The following CAST variants were observed in gnomAD, a reference collection of about 807,000 sequenced individuals.
CAST encodes the protein calpastatin, also known as MIR583 host.
A neutral mutation model predicts 119.6 loss-of-function variants in CAST; 76 were observed. The ratio of observed to expected loss-of-function variants is 0.64; its 90% CI spans 0.53 to 0.77. CAST has a LOEUF of 0.77. Ranked by LOEUF, CAST falls within the 30% of genes least tolerant of loss-of-function variation. The pLI is 0.00. For missense variants in CAST, 953 were observed against 946.5 expected (o/e 1.01, Z -0.09); for synonymous variants, 319 against 331.6 (o/e 0.96, Z 0.41).
At chr5:96,310,213 G>A in the CAST span, among the ~76,000 whole-genome samples, 1 of 152,148 alleles carries the variant, frequency 6.6e-6, no homozygotes, top group Non-Finnish European at 1.5e-5. Flanking sequence ...CCCTCATTCT[G>A]TTAATGTAGT....
the CAST span, among the ~76,000 whole-genome samples, chr5:95,991,497 GTTTTTTTTTTTTTTTT>G: frequency 1.5e-5 from 1 of 64,958 alleles, no homozygotes; most frequent in Admixed American, 2.1e-4. Context: ...AACAAGTTTT[GTTTTTTTTTTTTTTTT>G]TTTTTTTTTG....
At chr5:96,757,395 G>T (rs1224439071) in intron 22 of CAST, 49 bp from the exon 23 acceptor site, 1 of 1,527,208 alleles carries the variant, frequency 6.5e-7, no homozygotes, top group East Asian at 2.2e-5. Context: ...TTCATACTTT[G>T]GATAAAATGT....
the CAST span, among the ~76,000 whole-genome samples, chr5:96,343,868 A>G: frequency 2.0e-5 from 3 of 152,194 alleles, no homozygotes; most frequent in Non-Finnish European, 4.4e-5. Flanking sequence ...ACTGCACTAT[A>G]TGATTCACTA....
the CAST span, among the ~76,000 whole-genome samples, chr5:96,177,050 G>A: frequency 6.6e-6 from 1 of 152,140 alleles, no homozygotes; most frequent in African/African-American, 2.4e-5. Flanking sequence ...ACACATGTGA[G>A]TTGAATCTAA....
the CAST span, among the ~76,000 whole-genome samples, chr5:95,976,211 C>T: frequency 1.2e-3 from 189 of 151,416 alleles, no homozygotes; most frequent in Non-Finnish European, 1.8e-3. Context: ...TTGTTTCCAT[C>T]TGCCCACATC....
the CAST span, among the ~76,000 whole-genome samples, chr5:96,473,084 G>A: frequency 6.6e-6 from 1 of 152,174 alleles, no homozygotes; most frequent in African/African-American, 2.4e-5. Context: ...TGGACTAGGG[G>A]CCACCCTAAT....
At position 96,767,366 on chromosome 5, in the gene CAST, T is replaced by G. The variant is rs564622624; in HGVS notation, c.2131-72T>G. ...CAAGTCAAGTCATGGGACAATAGAT[T>G]CTCTACTGCCTAAACCTAAGTAAAC... is the stretch of plus-strand genomic sequence containing the variant. On this transcript the variant is annotated intron_variant, in intron 27 of 31. Transcript: ENST00000675179. The G allele has an allele frequency of 1.2e-4, 154 of 1,247,822 alleles. 2 individuals are homozygous for G. In the East Asian group the frequency reaches 3.5e-3, roughly 29 times the overall value. The allele number at this position is 1,247,822 out of a possible 1,614,324, so 77.3% of individuals were successfully genotyped here. A position where few individuals can be genotyped will look rare whatever the true frequency, so the allele number is the denominator to read the frequency against.
chr5:96,724,651 C>T (rs112178674), intron 4 of CAST, among the ~76,000 whole-genome samples: 14,287 of 151,538 alleles, frequency 0.094, 874 homozygotes, highest in Middle Eastern at 0.16. Flanking sequence ...GGCAACATAG[C>T]GAGATCCCGT....
At chr5:96,307,210 T>C in the CAST span, among the ~76,000 whole-genome samples, 2 of 152,228 alleles carry the variant, frequency 1.3e-5, no homozygotes, top group Non-Finnish European at 2.9e-5. Flanking sequence ...TGTAATGCCC[T>C]TCTTTGTCTC....
At chr5:96,317,163 A>C in the CAST span, among the ~76,000 whole-genome samples, 1 of 152,124 alleles carries the variant, frequency 6.6e-6, no homozygotes, top group African/African-American at 2.4e-5. Flanking sequence ...TCACACGTAC[A>C]TTATAAAGGT....
chr5:96,427,365 T>C, the CAST span, among the ~76,000 whole-genome samples: 4 of 152,198 alleles, frequency 2.6e-5, no homozygotes, highest in Non-Finnish European at 5.9e-5. Context: ...GGAAAATTGG[T>C]AGTGTCTTTC....
At chr5:96,007,245 G>A in the CAST span, among the ~76,000 whole-genome samples, 1 of 152,278 alleles carries the variant, frequency 6.6e-6, no homozygotes, top group South Asian at 2.1e-4. Flanking sequence ...GCTCAAAGCA[G>A]GAAATCTTGG....
the CAST span, among the ~76,000 whole-genome samples, chr5:96,245,237 A>G: frequency 6.6e-6 from 1 of 152,208 alleles, no homozygotes; most frequent in South Asian, 2.1e-4. Flanking sequence ...GAAAAACTGG[A>G]TAGAGTCCCG....
intron 3 of CAST, among the ~76,000 whole-genome samples, chr5:96,701,794 G>A (rs570945776): frequency 1.0e-4 from 14 of 140,072 alleles, no homozygotes; most frequent in African/African-American, 1.4e-4. Context: ...CACATAGCGA[G>A]AATCCCACCT....
At chr5:96,706,753 A>G (rs1310870640) in intron 3 of CAST, among the ~76,000 whole-genome samples, 2 of 152,094 alleles carry the variant, frequency 1.3e-5, no homozygotes, top group African/African-American at 4.8e-5. Context: ...TTTCTGTTGC[A>G]CACCTTTGCA....
At chr5:96,730,278 G>A (rs1760183610) in intron 8 of CAST, among the ~76,000 whole-genome samples, 1 of 152,170 alleles carries the variant, frequency 6.6e-6, no homozygotes, top group Admixed American at 6.5e-5. Context: ...AGATAATAAC[G>A]AGGTCTGCTT....
At chr5:96,022,304 T>A in the CAST span, among the ~76,000 whole-genome samples, 1 of 152,108 alleles carries the variant, frequency 6.6e-6, no homozygotes, top group African/African-American at 2.4e-5. Flanking sequence ...GGATTATGGG[T>A]TCATATAACA....
chr5:96,476,802 CAT>C, the CAST span, among the ~76,000 whole-genome samples: 1 of 152,042 alleles, frequency 6.6e-6, no homozygotes, highest in Admixed American at 6.6e-5. Context: ...CAAACACACA[CAT>C]GTACACAAAC....
the CAST span, among the ~76,000 whole-genome samples, chr5:96,425,130 T>A: frequency 1.3e-4 from 20 of 152,086 alleles, no homozygotes; most frequent in African/African-American, 4.8e-4. Flanking sequence ...AACAAGAGTA[T>A]CAAAGTCTTA....
Sources: allele counts gnomAD v4.1 joint callset (sites outside exome capture counted in the v4.1 genomes callset), GRCh38; gene constraint gnomAD v4.1.1; transcripts MANE v1.5; gene names NCBI Gene and HGNC (gene_info 2026-07-23, HGNC 2026-07-21).